The following GLRA2 variants were observed in gnomAD, a reference collection of about 807,000 sequenced individuals.
GLRA2 encodes glycine receptor subunit alpha-2.
Under a neutral mutation model 31.6 loss-of-function variants are expected in GLRA2, and 11 were observed. The observed-to-expected ratio is 0.35, with a 90% CI of 0.22 to 0.58. GLRA2 has a LOEUF of 0.58. Ranked by LOEUF, GLRA2 falls within the 20% of genes least tolerant of loss-of-function variation. GLRA2 has a pLI of 0.84. For missense variants in GLRA2, 212 were observed against 351.8 expected (o/e 0.60, Z 3.18); for synonymous variants, 132 against 134.0 (o/e 0.99, Z 0.10).
chrX:14,547,516 A>G (rs1416753734), intron 2 of GLRA2, among the ~76,000 whole-genome samples: 4 of 111,393 alleles, frequency 3.6e-5, no homozygotes, highest in African/African-American at 6.6e-5. Flanking sequence ...ATAAGCAATC[A>G]GGGGAGACAT....
chrX:14,553,315 G>A (rs760053111), intron 2 of GLRA2, among the ~76,000 whole-genome samples: 1 of 111,695 alleles, frequency 9.0e-6, no homozygotes, highest in South Asian at 3.8e-4. Flanking sequence ...TACTCACTAT[G>A]AAATAGAGCC....
At chrX:14,612,166 A>G (rs757594572) in intron 7 of GLRA2, among the ~76,000 whole-genome samples, 3 of 111,989 alleles carry the variant, frequency 2.7e-5, no homozygotes, top group Non-Finnish European at 5.6e-5. Flanking sequence ...TGGGCAAAGG[A>G]CAGAACAGAC....
intron 2 of GLRA2, among the ~76,000 whole-genome samples, chrX:14,562,884 A>G (rs983630190): frequency 1.5e-4 from 17 of 111,997 alleles, no homozygotes; most frequent in African/African-American, 5.5e-4. Context: ...GGGGGACACA[A>G]TTCAGCCTAT....
intron 7 of GLRA2, among the ~76,000 whole-genome samples, chrX:14,630,445 G>A (rs775828903): frequency 7.2e-5 from 8 of 111,195 alleles, no homozygotes; most frequent in Non-Finnish European, 9.4e-5. Context: ...AATGTTTCTT[G>A]TGCTTGGAGT....
At chrX:14,474,989 A>G in the GLRA2 span, among the ~76,000 whole-genome samples, 1 of 111,859 alleles carries the variant, frequency 8.9e-6, no homozygotes, top group African/African-American at 3.3e-5. Context: ...GTTGCAATCT[A>G]CCACACAAAA....
At chrX:14,531,099 A>G in intron 1 of GLRA2, 1 of 927,709 alleles carries the variant, frequency 1.1e-6, no homozygotes, top group South Asian at 2.0e-5. Context: ...TAGAATCATC[A>G]TCATCATCAT....
At chrX:14,493,248 TTTA>T in the GLRA2 span, among the ~76,000 whole-genome samples, 1 of 110,481 alleles carries the variant, frequency 9.1e-6, no homozygotes, top group African/African-American at 3.3e-5. Flanking sequence ...TTTTTAAAAT[TTTA>T]TTATTATTAT....
chrX:14,473,334 T>C, the GLRA2 span, among the ~76,000 whole-genome samples: 1 of 112,143 alleles, frequency 8.9e-6, no homozygotes, highest in Non-Finnish European at 1.9e-5. Context: ...GAGGTGCCTA[T>C]AAATTTAGAT....
chrX:14,710,401 C>T (rs2091695308), intron 8 of GLRA2, among the ~76,000 whole-genome samples: 1 of 111,899 alleles, frequency 8.9e-6, no homozygotes, highest in South Asian at 3.8e-4. Context: ...AAAGACAGGC[C>T]TCTGTGAACA....
the GLRA2 span, among the ~76,000 whole-genome samples, chrX:14,483,514 C>T: frequency 8.9e-6 from 1 of 112,107 alleles, no homozygotes; most frequent in Non-Finnish European, 1.9e-5. Context: ...TGTTAACTTG[C>T]ATTATCTGAC....
chrX:14,682,005 G>GTT lies in GLRA2; in HGVS notation c.931-8704_931-8703insTT, dbSNP rs2091218143. Among the ~76,000 whole-genome samples the GTT allele has an allele frequency of 3.0e-5, 3 of 99,049 alleles. No individual in the cohort carries two copies. The South Asian group carries it at 1.3e-3, about 44-fold the overall frequency. 86.0% of individuals were successfully genotyped at this position (99,049 alleles called of 115,157 possible). On this transcript the variant is annotated intron_variant, in intron 7 of 8. Coordinates refer to ENST00000218075, the MANE Select transcript of GLRA2 (RefSeq NM_002063.4). The stretch of plus-strand genomic sequence containing the variant: ...TGTATTTATATATGTATGTGTGTGT[G>GTT]TGTGTGTATATATATAAATATATAT...
chrX:14,553,820 CCTT>C (rs2089601527), intron 2 of GLRA2, among the ~76,000 whole-genome samples: 1 of 112,010 alleles, frequency 8.9e-6, no homozygotes, highest in Non-Finnish European at 1.9e-5. Context: ...TCTGAGGAGT[CCTT>C]CTATACTGGC....
At chrX:14,469,603 C>A in the GLRA2 span, among the ~76,000 whole-genome samples, 15 of 102,520 alleles carry the variant, frequency 1.5e-4, no homozygotes, top group Non-Finnish European at 3.0e-4. Flanking sequence ...GAACAAAAAA[C>A]CAAACACTGC....
chrX:14,517,468 C>T, the GLRA2 span, among the ~76,000 whole-genome samples: 1 of 111,797 alleles, frequency 8.9e-6, no homozygotes, highest in African/African-American at 3.3e-5. Flanking sequence ...GGGAAGCAAA[C>T]ATGTCTTTCT....
chrX:14,575,520 G>A (rs768573673), intron 3 of GLRA2, among the ~76,000 whole-genome samples: 19 of 110,780 alleles, frequency 1.7e-4, no homozygotes, highest in African/African-American at 5.9e-4. Context: ...CCAGGTTGGA[G>A]TGCAGATCAT....
chrX:14,557,207 C>G (rs1329630797), intron 2 of GLRA2, among the ~76,000 whole-genome samples: 1 of 95,255 alleles, frequency 1.0e-5, no homozygotes, highest in Non-Finnish European at 2.1e-5. Context: ...GCTCCGCCTC[C>G]TGGGTTCACG....
At chrX:14,587,610 TC>T (rs1290487604) in intron 4 of GLRA2, among the ~76,000 whole-genome samples, 1 of 112,223 alleles carries the variant, frequency 8.9e-6, no homozygotes, top group Non-Finnish European at 1.9e-5. Context: ...TCTGTTCATG[TC>T]CTTTGCCCAT....
intron 2 of GLRA2, among the ~76,000 whole-genome samples, chrX:14,534,258 C>A: frequency 9.4e-6 from 1 of 106,284 alleles, no homozygotes; most frequent in Non-Finnish European, 1.9e-5. Flanking sequence ...AGTCTAAGTA[C>A]AGGATATTTT....
intron 7 of GLRA2, among the ~76,000 whole-genome samples, chrX:14,610,783 G>C: frequency 8.9e-6 from 1 of 112,117 alleles, no homozygotes. Flanking sequence ...GCTGTGAAAA[G>C]AGTAGTCATT....
Sources: gnomAD v4.1 joint callset for allele counts (sites outside exome capture counted in the v4.1 genomes callset) on GRCh38, gnomAD v4.1.1 for gene constraint, MANE v1.5 for transcripts, NCBI Gene and HGNC (gene_info 2026-07-23, HGNC 2026-07-21) for gene names.